Variants in ANO4 observed in about 807,000 individuals in gnomAD.
ANO4 encodes the protein anoctamin 4, also known as anoctamin-4.
In ANO4, 69 loss-of-function variants were observed where a neutral mutation model predicts 141.9. The ratio of observed to expected loss-of-function variants is 0.49; its 90% CI spans 0.40 to 0.59. The LOEUF is 0.59. Among genes scored for constraint, ANO4 ranks in the 20% least tolerant of loss-of-function variants. The pLI is 0.00. For synonymous variants in ANO4, 350 were observed against 394.3 expected (o/e 0.89, Z 1.33); for missense variants, 894 against 1,162.2 (o/e 0.77, Z 3.36).
At chr12:101,124,717 TAAG>T (rs1219828408) in intron 26 of ANO4, among the ~76,000 whole-genome samples, 1 of 152,208 alleles carries the variant, frequency 6.6e-6, no homozygotes, top group Non-Finnish European at 1.5e-5. Flanking sequence ...AACCATTTAT[TAAG>T]TAGGGAATCC....
chr12:101,021,588 C>T (rs889799484), intron 9 of ANO4, among the ~76,000 whole-genome samples: 6 of 152,094 alleles, frequency 3.9e-5, no homozygotes, highest in Non-Finnish European at 8.8e-5. Context: ...ATCAAGCTTT[C>T]GGGTAGGGTG....
chr12:101,034,617 T>TAAG (rs5800452), intron 9 of ANO4, among the ~76,000 whole-genome samples: 17 of 152,262 alleles, frequency 1.1e-4, no homozygotes, highest in African/African-American at 3.4e-4. Context: ...AATACATAAA[T>TAAG]AGAATGATAA....
chr12:100,945,262 C>A (rs2042678222), intron 5 of ANO4, among the ~76,000 whole-genome samples: 1 of 152,138 alleles, frequency 6.6e-6, no homozygotes, highest in Non-Finnish European at 1.5e-5. Context: ...TTTCAAGAAA[C>A]ACAACTAGGA....
At chr12:101,000,683 A>G (rs2045598004) in intron 8 of ANO4, among the ~76,000 whole-genome samples, 1 of 152,208 alleles carries the variant, frequency 6.6e-6, no homozygotes, top group Non-Finnish European at 1.5e-5. Context: ...TGAAATGAAA[A>G]TGAAAAAAGC....
intron 22 of ANO4, 41 bp from the exon 23 acceptor site, chr12:101,110,361 GAA>G: frequency 6.5e-7 from 1 of 1,528,902 alleles, no homozygotes; most frequent in Non-Finnish European, 8.8e-7. Context: ...AATAGTAATG[GAA>G]AACCAATACT....
intron 26 of ANO4, among the ~76,000 whole-genome samples, chr12:101,122,424 A>G (rs374224122): frequency 6.6e-6 from 1 of 152,140 alleles, no homozygotes; most frequent in Non-Finnish European, 1.5e-5. Flanking sequence ...TTTTGTTGCA[A>G]TTGCTTTTCA....
At chr12:100,867,624 AC>A (rs2038816850) in intron 1 of ANO4, among the ~76,000 whole-genome samples, 1 of 152,048 alleles carries the variant, frequency 6.6e-6, no homozygotes, top group African/African-American at 2.4e-5. Context: ...ACACACACAC[AC>A]ACACACACAC....
At chr12:100,729,381 AAAAAAAAAAG>A (rs1246172768) in intron 1 of ANO4, among the ~76,000 whole-genome samples, 1 of 150,274 alleles carries the variant, frequency 6.7e-6, no homozygotes, top group East Asian at 1.9e-4. Context: ...AAAAAAAAAA[AAAAAAAAAAG>A]GTAACACTAA....
At chr12:100,742,825 C>T (rs1214213347) in intron 3 of ANO4, among the ~76,000 whole-genome samples, 1 of 152,108 alleles carries the variant, frequency 6.6e-6, no homozygotes, top group African/African-American at 2.4e-5. Flanking sequence ...CATTCTTTCC[C>T]TTCATTGTGT....
chr12:100,927,975 T>C (rs1022009531), intron 3 of ANO4, among the ~76,000 whole-genome samples: 5 of 152,170 alleles, frequency 3.3e-5, no homozygotes, highest in Non-Finnish European at 7.4e-5. Context: ...TGCTTGCACG[T>C]GTGTCTACAT....
intron 1 of ANO4, among the ~76,000 whole-genome samples, chr12:100,804,372 T>G (rs12302713): frequency 0.097 from 14,768 of 152,272 alleles, 846 homozygotes; most frequent in East Asian, 0.19. Context: ...TTAGGTTGGT[T>G]CCATGTCTTT....
intron 3 of ANO4, among the ~76,000 whole-genome samples, chr12:100,930,823 A>T (rs1173015751): frequency 6.6e-6 from 1 of 152,128 alleles, no homozygotes; most frequent in Admixed American, 6.6e-5. Flanking sequence ...TGATCAACAT[A>T]TAACTTCAAT....
intron 3 of ANO4, among the ~76,000 whole-genome samples, chr12:100,927,234 G>A (rs946408946): frequency 6.6e-6 from 1 of 152,140 alleles, no homozygotes. Context: ...GAAAGTGGGA[G>A]TGTCAGCAAT....
intron 24 of ANO4, among the ~76,000 whole-genome samples, chr12:101,114,790 C>T (rs994043260): frequency 2.6e-5 from 4 of 152,126 alleles, no homozygotes; most frequent in Non-Finnish European, 5.9e-5. Context: ...ATTTTCATGT[C>T]CAGGTCTAGA....
At chr12:101,092,729 T>A (rs927320898) in intron 17 of ANO4, among the ~76,000 whole-genome samples, 5 of 152,308 alleles carry the variant, frequency 3.3e-5, no homozygotes, top group Middle Eastern at 3.4e-3. Flanking sequence ...TTCCTTTTTT[T>A]AAAATTACAA....
In ANO4 at chr12:101,126,948, C is replaced by T. The variant is rs778663996; in HGVS notation, c.2746C>T (p.Arg916Ter). 3 of 1,614,052 alleles carry T rather than the reference C, an allele frequency of 1.9e-6. No homozygotes were observed. Among genetic ancestry groups the T allele is most frequent in the Admixed American group, 1.7e-5 (1 of 60,006 alleles). Reference sequence around the variant, plus strand: ...AGACCTCCCAAAAGACCTAAGGGATCGAATGAGAAGAGAGAAGTACTTGAT... The same window carrying T: ...AGACCTCCCAAAAGACCTAAGGGATTGAATGAGAAGAGAGAAGTACTTGAT... ...IPDLPKDLRD[R>*]MRREKYLIQE... Residue 916 changes from arginine to a stop codon, truncating the protein, a stop_gained, in exon 27 of 28, where the codon CGA becomes TGA. Transcript: ENST00000392977. LOFTEE classifies it high-confidence loss of function.
chr12:100,760,028 C>A (rs536128844), intron 3 of ANO4, among the ~76,000 whole-genome samples: 9 of 152,264 alleles, frequency 5.9e-5, no homozygotes, highest in South Asian at 2.1e-4. Flanking sequence ...AGCTTTGAGG[C>A]CCCCATGTAC....
intron 3 of ANO4, among the ~76,000 whole-genome samples, chr12:100,741,055 A>T (rs1270607897): frequency 6.6e-6 from 1 of 152,242 alleles, no homozygotes; most frequent in Admixed American, 6.5e-5. Flanking sequence ...CTTAAAATTT[A>T]TCGCTTATAT....
intron 2 of ANO4, among the ~76,000 whole-genome samples, chr12:100,908,216 G>T (rs200173093): frequency 1.3e-5 from 2 of 152,164 alleles, no homozygotes; most frequent in East Asian, 3.9e-4. Flanking sequence ...GGACGTGGTG[G>T]TGCATGCCTG....
Sources: gnomAD v4.1 joint callset for allele counts (sites outside exome capture counted in the v4.1 genomes callset) on GRCh38, gnomAD v4.1.1 for gene constraint, MANE v1.5 for transcripts, NCBI Gene and HGNC (gene_info 2026-07-23, HGNC 2026-07-21) for gene names.